Variants in SNAPC3 observed in about 807,000 individuals in gnomAD.
The protein encoded by SNAPC3 is snRNA-activating protein complex subunit 3.
In SNAPC3, 56 loss-of-function variants were observed where a neutral mutation model predicts 47.7. That is an observed-to-expected ratio of 1.18 (90% CI 0.95 to 1.47). SNAPC3 has a LOEUF of 1.47. SNAPC3 is among the 40% of genes most tolerant of loss of function. The pLI is 0.00. For missense variants in SNAPC3, 665 were observed against 511.3 expected (o/e 1.30, Z -2.90); for synonymous variants, 235 against 189.9 (o/e 1.24, Z -1.95).
At chr9:15,445,864 A>T (rs1008113285) in intron 4 of SNAPC3, among the ~76,000 whole-genome samples, 1 of 152,126 alleles carries the variant, frequency 6.6e-6, no homozygotes, top group Admixed American at 6.6e-5. Context: ...TGAGCCCGGG[A>T]GGTCAAGGCT....
At chr9:15,448,919 C>T (rs1281800394) in intron 5 of SNAPC3, among the ~76,000 whole-genome samples, 1 of 151,988 alleles carries the variant, frequency 6.6e-6, no homozygotes, top group African/African-American at 2.4e-5. Flanking sequence ...AAGTGATTCT[C>T]GTGCTTCAGC....
At chr9:15,459,036 TCA>T (rs1482020326) in intron 8 of SNAPC3, among the ~76,000 whole-genome samples, 1 of 152,194 alleles carries the variant, frequency 6.6e-6, no homozygotes, top group Non-Finnish European at 1.5e-5. Context: ...ACTTGTATCT[TCA>T]GTTTGTTTTC....
At chr9:15,466,167 C>T (rs750885996), downstream of SNAPC3, among the ~76,000 whole-genome samples, 29 of 152,220 alleles carry the variant, frequency 1.9e-4, no homozygotes, top group African/African-American at 7.0e-4. Flanking sequence ...CACCTGAGGT[C>T]AGGAGTTCGA....
chr9:15,432,143 C>G (rs2032242470), intron 2 of SNAPC3: 1 of 152,076 alleles, frequency 6.6e-6, no homozygotes, highest in Non-Finnish European at 1.5e-5. Context: ...ACAGTGAAAG[C>G]TGGATTTCTC....
intron 4 of SNAPC3, among the ~76,000 whole-genome samples, chr9:15,446,487 A>G (rs1191648852): frequency 5.9e-5 from 9 of 152,240 alleles, no homozygotes. Flanking sequence ...GATTACAGGC[A>G]TGAGCCACTG....
intron 3 of SNAPC3, 134 bp from the exon 4 acceptor site, chr9:15,444,468 C>T (rs903912497): frequency 3.4e-5 from 20 of 590,530 alleles, no homozygotes; most frequent in Non-Finnish European, 5.8e-5. Flanking sequence ...GATGTCTTAA[C>T]AGTTTTCCCA....
At position 15,459,841 on chromosome 9, in the gene SNAPC3, A is replaced by G. The variant is rs779616793; in HGVS notation, c.1211A>G (p.Tyr404Cys). ...NKLGEFLAYP[Y>C]VDPGTFN The stretch of plus-strand genomic sequence containing the variant: ...CTGGGGGAATTCCTTGCTTATCCTT[A>G]TGTTGATCCTGGAACCTTTAATTAA... The change falls in exon 9 of 9, where the codon TAT (tyrosine) becomes TGT (cysteine). Residue 404 changes from tyrosine (Y) to cysteine (C), a missense_variant. By Grantham distance (194) the Tyr-to-Cys change is radical. Coordinates refer to ENST00000380821, the MANE Select transcript of SNAPC3 (RefSeq NM_001039697.2). 2.8e-5 allele frequency: 45 copies of G among 1,613,518 alleles called. No homozygotes were observed. Among genetic ancestry groups the G allele is most frequent in the Non-Finnish European group, 3.6e-5 (43 of 1,179,786 alleles).
chr9:15,461,911 TACA>T (rs1005195890), downstream of SNAPC3: 1 of 152,186 alleles, frequency 6.6e-6, no homozygotes, highest in African/African-American at 2.4e-5. Context: ...CTTTCTTGTA[TACA>T]ACAATGCTAA....
chr9:15,444,119 A>G (rs939622056), intron 3 of SNAPC3, among the ~76,000 whole-genome samples: 3 of 152,236 alleles, frequency 2.0e-5, no homozygotes, highest in Admixed American at 1.3e-4. Context: ...ATCAAAATAT[A>G]TTAAAGATGT....
chr9:15,423,316 A>G, intron 1 of SNAPC3, 123 bp downstream of exon 1: 1 of 1,021,150 alleles, frequency 9.8e-7, no homozygotes, highest in South Asian at 1.7e-5. Flanking sequence ...TAGGAGTATT[A>G]CCCTTTAAAG....
intron 7 of SNAPC3, 63 bp downstream of exon 7, chr9:15,453,268 C>T (rs995274328): frequency 7.7e-7 from 1 of 1,306,328 alleles, no homozygotes; most frequent in African/African-American, 1.5e-5. Flanking sequence ...AGTACAAAAC[C>T]AGAGATAGTT....
intron 3 of SNAPC3, among the ~76,000 whole-genome samples, chr9:15,444,384 A>G (rs529668640): frequency 6.6e-6 from 1 of 152,372 alleles, no homozygotes; most frequent in East Asian, 1.9e-4. Flanking sequence ...TTGTGTACAC[A>G]TTCCCAGCAA....
At chr9:15,464,962 A>C (rs2035511749), downstream of SNAPC3, 2 of 216,874 alleles carry the variant, frequency 9.2e-6, no homozygotes, top group African/African-American at 2.3e-5. Context: ...CATTGTTCCA[A>C]AGAAGCTGGA....
downstream of SNAPC3, chr9:15,461,832 T>G (rs1482016463): frequency 6.6e-6 from 1 of 152,196 alleles, no homozygotes; most frequent in African/African-American, 2.4e-5. Flanking sequence ...CATTCACTGA[T>G]TCAGTCAGTA....
rs79222977 is a variant in SNAPC3, at chr9:15,430,719, A to G, written c.393-2833A>G. Among the ~76,000 whole-genome samples, 665 of 152,336 alleles carry G rather than the reference A, an allele frequency of 4.4e-3. 3 individuals are homozygous for G. The highest frequency in any genetic ancestry group is 0.015 in the African/African-American group (640 of 41,584). On this transcript the variant is annotated intron_variant, in intron 2 of 8. Transcript: ENST00000380821. ...TTGCAAAATATTTGAAATACCTTAA[A>G]TATACAGACGTAGGAGAGGAGAGTG...
intron 3 of SNAPC3, among the ~76,000 whole-genome samples, chr9:15,441,398 T>TTTTTTTTTTA: frequency 7.7e-6 from 1 of 129,192 alleles, no homozygotes; most frequent in Admixed American, 7.7e-5. Context: ...TTTTTTTTTT[T>TTTTTTTTTTA]TTTTTTTTTA....
rs2035072228 is a variant in SNAPC3 at position 15,459,870 on chromosome 9, T to G, written c.*4T>G. The stretch of plus-strand genomic sequence containing the variant: ...TGATCCTGGAACCTTTAATTAAGAA[T>G]AGCTACACTCACAAAAATACCCCCT... On this transcript the variant is annotated 3_prime_UTR_variant, in exon 9 of 9. Transcript: ENST00000380821. 6.2e-7 allele frequency: 1 copy of G among 1,604,072 alleles called. No homozygotes were observed. The highest frequency in any genetic ancestry group is 8.5e-7 in the Non-Finnish European group (1 of 1,177,208).
chr9:15,440,267 C>T (rs1247591066), intron 3 of SNAPC3, among the ~76,000 whole-genome samples: 1 of 152,294 alleles, frequency 6.6e-6, no homozygotes, highest in East Asian at 1.9e-4. Context: ...TTCCCTTTAG[C>T]AGTATTCTTT....
At chr9:15,434,409 CTTTTT>C (rs575328490) in intron 3 of SNAPC3, among the ~76,000 whole-genome samples, 1 of 135,468 alleles carries the variant, frequency 7.4e-6, no homozygotes, top group Non-Finnish European at 1.6e-5. Flanking sequence ...TTCTGTATGG[CTTTTT>C]TTTTTTTTTT....
Sources: gnomAD v4.1 joint callset for allele counts (sites outside exome capture counted in the v4.1 genomes callset) on GRCh38, gnomAD v4.1.1 for gene constraint, MANE v1.5 for transcripts, NCBI Gene and HGNC (gene_info 2026-07-23, HGNC 2026-07-21) for gene names.